Variants in BMPR1B observed in about 807,000 individuals in gnomAD.
The protein encoded by BMPR1B is bone morphogenetic protein receptor type-1B.
BMPR1B carries 12 observed loss-of-function variants against 59.1 expected under a neutral mutation model. That is an observed-to-expected ratio of 0.20 (90% CI 0.13 to 0.33). The LOEUF (loss-of-function observed/expected upper bound fraction) is 0.33. Among genes scored for constraint, BMPR1B ranks in the 10% least tolerant of loss-of-function variants. BMPR1B has a pLI of 1.00. For synonymous variants in BMPR1B, 237 were observed against 207.3 expected, an observed-to-expected ratio of 1.14 and a Z score of -1.23; for missense variants, 550 against 610.9, an observed-to-expected ratio of 0.90 and a Z score of 1.05.
intron 10 of BMPR1B, among the ~76,000 whole-genome samples, chr4:95,143,344 G>T (rs1297963022): frequency 6.6e-6 from 1 of 152,194 alleles, no homozygotes; most frequent in East Asian, 1.9e-4. Flanking sequence ...ATGTCTCCTG[G>T]CAGAGTGAGT....
intron 1 of BMPR1B, among the ~76,000 whole-genome samples, chr4:94,760,658 G>A (rs1343273379): frequency 6.6e-6 from 1 of 152,048 alleles, no homozygotes; most frequent in Non-Finnish European, 1.5e-5. Context: ...CCCCTCTTTC[G>A]GTGTCCACCT....
chr4:94,987,777 C>G (rs1721508023), intron 2 of BMPR1B, among the ~76,000 whole-genome samples: 1 of 151,736 alleles, frequency 6.6e-6, no homozygotes, highest in African/African-American at 2.4e-5. Context: ...CTAGACATAA[C>G]TATTTCATAA....
chr4:94,968,508 A>AT (rs1268323779), intron 2 of BMPR1B, among the ~76,000 whole-genome samples: 1 of 152,154 alleles, frequency 6.6e-6, no homozygotes, highest in Non-Finnish European at 1.5e-5. Context: ...CAATGAGAAA[A>AT]TTTGCACTGC....
chr4:94,788,630 T>G (rs529932123), intron 1 of BMPR1B, among the ~76,000 whole-genome samples: 1 of 152,210 alleles, frequency 6.6e-6, no homozygotes, highest in South Asian at 2.1e-4. Context: ...AATCATACCT[T>G]GGTTTACTAA....
Position 95,078,244 on chromosome 4 carries a change from A to G in BMPR1B, c.-17-26164A>G, listed in dbSNP as rs1167265894. 5.3e-5 allele frequency among the ~76,000 whole-genome samples: 8 copies of G among 152,228 alleles called. No homozygotes were observed. In the East Asian group the frequency reaches 5.8e-4, roughly 11 times the overall value. On this transcript the variant is annotated intron_variant, in intron 3 of 12. Transcript: ENST00000515059. ...AGTGATAAATACTTGGAGGTCATCT[A>G]TCACACTCTAGGAAGTAGTCTTGTG...
intron 2 of BMPR1B, among the ~76,000 whole-genome samples, chr4:94,930,242 A>C (rs1020439073): frequency 1.3e-5 from 2 of 152,142 alleles, no homozygotes; most frequent in Admixed American, 1.3e-4. Context: ...AAGAAACTTC[A>C]GTATAACATA....
chr4:94,870,555 C>G (rs1234079580), intron 1 of BMPR1B, among the ~76,000 whole-genome samples: 1 of 152,154 alleles, frequency 6.6e-6, no homozygotes, highest in Non-Finnish European at 1.5e-5. Context: ...AGTCCTCTTG[C>G]TCATTTCATT....
chr4:94,960,262 G>A (rs1730302681), intron 2 of BMPR1B, among the ~76,000 whole-genome samples: 1 of 152,102 alleles, frequency 6.6e-6, no homozygotes, highest in Admixed American at 6.6e-5. Flanking sequence ...TACAGCTGTA[G>A]TATTAAGACT....
At chr4:95,127,962 A>G (rs1026900695) in intron 8 of BMPR1B, among the ~76,000 whole-genome samples, 1 of 151,142 alleles carries the variant, frequency 6.6e-6, no homozygotes, top group African/African-American at 2.4e-5. Flanking sequence ...TTGTCTCATT[A>G]CAGCCTTGAC....
At chr4:94,832,557 G>A (rs184868346) in intron 1 of BMPR1B, among the ~76,000 whole-genome samples, 6 of 152,130 alleles carry the variant, frequency 3.9e-5, no homozygotes, top group Admixed American at 2.0e-4. Context: ...TGAGGTGGGC[G>A]GATCACTTGA....
At chr4:94,969,922 T>C (rs11934132) in intron 2 of BMPR1B, among the ~76,000 whole-genome samples, 85,897 of 151,994 alleles carry the variant, frequency 0.57, 25,464 homozygotes, top group African/African-American at 0.73. Context: ...TCATAGTGTT[T>C]TGGTTGTCTT....
intron 1 of BMPR1B, among the ~76,000 whole-genome samples, chr4:94,823,383 T>C (rs1431288031): frequency 6.6e-6 from 1 of 152,184 alleles, no homozygotes; most frequent in Non-Finnish European, 1.5e-5. Context: ...CCTGGTGGGC[T>C]GCCACATTTC....
At chr4:94,988,568 C>T (rs954525478) in intron 2 of BMPR1B, among the ~76,000 whole-genome samples, 9 of 152,044 alleles carry the variant, frequency 5.9e-5, no homozygotes, top group African/African-American at 1.2e-4. Flanking sequence ...CTATGGTTTC[C>T]GGATTTAGTT....
intron 1 of BMPR1B, among the ~76,000 whole-genome samples, chr4:94,782,495 G>A (rs2110588864): frequency 6.6e-6 from 1 of 151,986 alleles, no homozygotes; most frequent in East Asian, 1.9e-4. Flanking sequence ...TTGTAGAGCT[G>A]AGGTTTTGCC....
intron 2 of BMPR1B, among the ~76,000 whole-genome samples, chr4:94,982,781 A>C (rs1192713317): frequency 6.6e-6 from 1 of 151,994 alleles, no homozygotes; most frequent in African/African-American, 2.4e-5. Context: ...TCAGGAGATC[A>C]AGACCATCCT....
intron 4 of BMPR1B, among the ~76,000 whole-genome samples, chr4:95,110,852 A>T (rs570489223): frequency 2.8e-4 from 43 of 152,176 alleles, no homozygotes; most frequent in African/African-American, 9.2e-4. Context: ...TAACAAAGCT[A>T]TGAGCAGCTT....
chr4:95,149,219 A>G (rs1037406568), intron 11 of BMPR1B, among the ~76,000 whole-genome samples: 15 of 152,020 alleles, frequency 9.9e-5, no homozygotes, highest in African/African-American at 3.6e-4. Context: ...TTCTTCCTCC[A>G]GCAGTTGCTC....
chr4:94,952,238 GT>G (rs2149056019), intron 2 of BMPR1B, among the ~76,000 whole-genome samples: 1 of 152,068 alleles, frequency 6.6e-6, no homozygotes, highest in East Asian at 1.9e-4. Flanking sequence ...TTTTTGAAGG[GT>G]TTTTCGTGTC....
chr4:95,101,319 T>A (rs1730803864), intron 3 of BMPR1B, among the ~76,000 whole-genome samples: 1 of 152,120 alleles, frequency 6.6e-6, no homozygotes. Context: ...TCCTTGGCCT[T>A]GATGGTAAAA....
Sources: gnomAD v4.1 joint callset for allele counts (sites outside exome capture counted in the v4.1 genomes callset) on GRCh38, gnomAD v4.1.1 for gene constraint, MANE v1.5 for transcripts, NCBI Gene and HGNC (gene_info 2026-07-23, HGNC 2026-07-21) for gene names.